SDK1: variants seen among roughly 807,000 people sequenced by gnomAD.
The protein encoded by SDK1 is protein sidekick-1.
A neutral mutation model predicts 245.5 loss-of-function variants in SDK1; 157 were observed. The ratio of observed to expected loss-of-function variants is 0.64; its 90% CI spans 0.56 to 0.73. The LOEUF is 0.73. Among genes scored for constraint, SDK1 ranks in the 30% least tolerant of loss-of-function variants. SDK1 has a pLI of 0.00. For synonymous variants in SDK1, 1,647 were observed against 1,278.5 expected, an observed-to-expected ratio of 1.29 and a Z score of -6.15; for missense variants, 3,583 against 3,002.3, an observed-to-expected ratio of 1.19 and a Z score of -4.52.
At chr7:4,242,479 G>A (rs1786589831) in intron 43 of SDK1, among the ~76,000 whole-genome samples, 1 of 152,096 alleles carries the variant, frequency 6.6e-6, no homozygotes, top group Admixed American at 6.5e-5. Context: ...AAACAAGAGA[G>A]GGGTTGACCT....
At position 3,635,889 on chromosome 7, in the gene SDK1, A is replaced by G. The variant is rs182380260; in HGVS notation, c.459-3115A>G. Among the ~76,000 whole-genome samples, 65 of 152,110 alleles carry G rather than the reference A, an allele frequency of 4.3e-4. 1 individual carries two copies. The South Asian group carries it at 9.8e-3, about 23-fold the overall frequency. On this transcript the variant is annotated intron_variant, in intron 2 of 44. Transcript: ENST00000404826. ...CTTGGCTAATTTTTGTATTTTTTGT[A>G]GAGAGACGGTTCTGCCATATTGCCC... is the stretch of plus-strand genomic sequence containing the variant.
chr7:3,942,373 G>T (rs1304270924), intron 5 of SDK1, among the ~76,000 whole-genome samples: 1 of 152,192 alleles, frequency 6.6e-6, no homozygotes, highest in South Asian at 2.1e-4. Context: ...AGGAGCAGGG[G>T]TCCCCAAGGC....
At chr7:3,695,005 TC>T (rs1784533541) in intron 4 of SDK1, among the ~76,000 whole-genome samples, 1 of 152,216 alleles carries the variant, frequency 6.6e-6, no homozygotes, top group Admixed American at 6.5e-5. Context: ...AGAAATGCTT[TC>T]CCAGAAAGCA....
intron 4 of SDK1, among the ~76,000 whole-genome samples, chr7:3,722,597 T>G (rs6970399): frequency 0.13 from 20,512 of 152,180 alleles, 2,047 homozygotes; most frequent in African/African-American, 0.28. Context: ...TGTACGCGCC[T>G]TAGCACGCTG....
At chr7:3,561,529 A>AAGTGGT (rs1554289700) in intron 1 of SDK1, among the ~76,000 whole-genome samples, 1 of 152,082 alleles carries the variant, frequency 6.6e-6, no homozygotes, top group Non-Finnish European at 1.5e-5. Context: ...GCCACCCCTA[A>AAGTGGT]GGTGGTGGTG....
intron 20 of SDK1, among the ~76,000 whole-genome samples, chr7:4,071,251 C>A (rs1431605638): frequency 6.6e-6 from 1 of 152,030 alleles, no homozygotes; most frequent in African/African-American, 2.4e-5. Flanking sequence ...TCTTGAACTC[C>A]TGACCTCAGG....
chr7:3,392,245 G>A (rs1781777548), intron 1 of SDK1, among the ~76,000 whole-genome samples: 1 of 152,050 alleles, frequency 6.6e-6, no homozygotes, highest in Non-Finnish European at 1.5e-5. Context: ...TTCCACTTGT[G>A]ACCAATGATT....
rs569955770 is a variant in SDK1, at chr7:3,822,906, C to T, written c.847+1323C>T. ...CTTTGTAGCAAACTCTGGGTGCAGG[C>T]GTCTGTGGGAGTTAACTGAGTGGGG... On this transcript the variant is annotated intron_variant, in intron 5 of 44. Coordinates refer to ENST00000404826, the MANE Select transcript of SDK1 (RefSeq NM_152744.4). Among the ~76,000 whole-genome samples the T allele has an allele frequency of 3.3e-5, 5 of 152,128 alleles. No homozygotes were observed. In the East Asian group the frequency reaches 5.8e-4, roughly 18 times the overall value.
At chr7:3,906,098 C>T (rs1175219747) in intron 5 of SDK1, among the ~76,000 whole-genome samples, 1 of 152,126 alleles carries the variant, frequency 6.6e-6, no homozygotes, top group Non-Finnish European at 1.5e-5. Context: ...TTTCCTCAAT[C>T]TCTTTTTCAT....
At chr7:4,003,356 C>T (rs957266543) in intron 14 of SDK1, among the ~76,000 whole-genome samples, 4 of 152,166 alleles carry the variant, frequency 2.6e-5, no homozygotes, top group Non-Finnish European at 5.9e-5. Context: ...AAGATGGACC[C>T]GCCACCCAGC....
At chr7:3,547,377 C>A (rs112035795) in intron 1 of SDK1, among the ~76,000 whole-genome samples, 4 of 152,054 alleles carry the variant, frequency 2.6e-5, no homozygotes, top group African/African-American at 4.8e-5. Flanking sequence ...TTAAAACTTA[C>A]CTTGGGCAAA....
chr7:3,498,954 T>C (rs961404862), intron 1 of SDK1, among the ~76,000 whole-genome samples: 1 of 152,196 alleles, frequency 6.6e-6, no homozygotes, highest in Non-Finnish European at 1.5e-5. Context: ...ATACTATTGA[T>C]CTGGCACTAA....
At chr7:3,808,460 G>T (rs1284798574) in intron 4 of SDK1, among the ~76,000 whole-genome samples, 2 of 152,208 alleles carry the variant, frequency 1.3e-5, no homozygotes, top group Non-Finnish European at 2.9e-5. Context: ...GGTTCAGTGG[G>T]ATTTGCTTAC....
At chr7:4,075,262 A>C (rs1314329452) in intron 20 of SDK1, among the ~76,000 whole-genome samples, 1 of 152,160 alleles carries the variant, frequency 6.6e-6, no homozygotes, top group African/African-American at 2.4e-5. Flanking sequence ...GAGTCCCCTC[A>C]GCCCGCACAC....
At chr7:3,457,654 A>C (rs1357004674) in intron 1 of SDK1, among the ~76,000 whole-genome samples, 1 of 152,112 alleles carries the variant, frequency 6.6e-6, no homozygotes, top group Non-Finnish European at 1.5e-5. Flanking sequence ...AAACTTGTTG[A>C]CTGGCTTATT....
At position 4,143,876 on chromosome 7, in the gene SDK1, C is replaced by T. The variant is rs1367097271; in HGVS notation, c.4229-1846C>T. Among the ~76,000 whole-genome samples the T allele has an allele frequency of 3.9e-5, 6 of 152,296 alleles. No homozygotes were observed. The East Asian group carries it at 5.8e-4, about 15-fold the overall frequency. ...TGTATGCTTCCTGACAGGCCTGCGG[C>T]GAGGGTCTGGCATGGGAAGCGTTGC... On this transcript the variant is annotated intron_variant, in intron 28 of 44. Transcript: ENST00000404826.
intron 20 of SDK1, among the ~76,000 whole-genome samples, chr7:4,076,722 A>C (rs989600735): frequency 7.9e-5 from 12 of 152,152 alleles, no homozygotes; most frequent in African/African-American, 2.9e-4. Flanking sequence ...AGCATCCCAG[A>C]GGCCCTGTCC....
intron 22 of SDK1, among the ~76,000 whole-genome samples, chr7:4,098,147 G>T (rs1782281758): frequency 6.6e-6 from 1 of 152,130 alleles, no homozygotes; most frequent in African/African-American, 2.4e-5. Context: ...GGTGGAAAAG[G>T]GGCCTTTTTG....
chr7:3,703,099 A>T (rs1272165059), intron 4 of SDK1, among the ~76,000 whole-genome samples: 1 of 151,102 alleles, frequency 6.6e-6, no homozygotes, highest in Admixed American at 6.6e-5. Flanking sequence ...CGACGATACG[A>T]CTTAGTTCTC....
Sources: gnomAD v4.1 joint callset for allele counts (sites outside exome capture counted in the v4.1 genomes callset) on GRCh38, gnomAD v4.1.1 for gene constraint, MANE v1.5 for transcripts, NCBI Gene and HGNC (gene_info 2026-07-23, HGNC 2026-07-21) for gene names.